Variants in ASIC2 observed in about 807,000 individuals in gnomAD.
ASIC2 encodes the protein acid-sensing ion channel 2.
A neutral mutation model predicts 57.3 loss-of-function variants in ASIC2; 25 were observed. The ratio of observed to expected loss-of-function variants is 0.44; its 90% CI spans 0.32 to 0.61. The LOEUF (loss-of-function observed/expected upper bound fraction) is 0.61. Ranked by LOEUF, ASIC2 falls within the 20% of genes least tolerant of loss-of-function variation. ASIC2 has a pLI of 0.06. For synonymous variants in ASIC2, 319 were observed against 307.5 expected (o/e 1.04, Z -0.39); for missense variants, 641 against 738.1 (o/e 0.87, Z 1.52).
Position 33,313,553 on chromosome 17 carries a change from T to G in ASIC2, c.556-201486A>C, listed in dbSNP as rs947275486. On this transcript the variant is annotated intron_variant, in intron 1 of 9. Coordinates refer to the ASIC2 transcript ENST00000359872. Reference sequence around the variant, plus strand: ...ATGTTTGTCTTTTTCATCACAGGAATGTGGACTTTATCATTCTCTACAAAT... The same window carrying G: ...ATGTTTGTCTTTTTCATCACAGGAAGGTGGACTTTATCATTCTCTACAAAT... 2.0e-5 allele frequency among the ~76,000 whole-genome samples: 3 copies of G among 150,518 alleles called. No homozygotes were observed. The East Asian group carries it at 5.8e-4, about 29-fold the overall frequency.
chr17:34,078,896 T>C (rs1179849198), intron 1 of ASIC2: 2 of 152,162 alleles, frequency 1.3e-5, no homozygotes, highest in Admixed American at 6.5e-5. Context: ...TCTCCTACCT[T>C]GGACTCCTGG....
intron 1 of ASIC2, among the ~76,000 whole-genome samples, chr17:33,888,226 T>C (rs948303524): frequency 6.6e-6 from 1 of 152,090 alleles, no homozygotes; most frequent in African/African-American, 2.4e-5. Flanking sequence ...CCCAGCTTAT[T>C]GGGGAGGTCA....
intron 1 of ASIC2, among the ~76,000 whole-genome samples, chr17:33,958,634 G>T (rs1297097496): frequency 6.6e-6 from 1 of 152,056 alleles, no homozygotes; most frequent in Non-Finnish European, 1.5e-5. Context: ...GCACACTGAA[G>T]GGGGGGTCTT....
chr17:33,036,912 A>G (rs2091910623), intron 3 of ASIC2, among the ~76,000 whole-genome samples: 1 of 152,128 alleles, frequency 6.6e-6, no homozygotes, highest in African/African-American at 2.4e-5. Context: ...AGACACCACC[A>G]AGTCCCATTC....
chr17:33,657,675 C>G (rs952348762), intron 1 of ASIC2, among the ~76,000 whole-genome samples: 1 of 151,186 alleles, frequency 6.6e-6, no homozygotes, highest in African/African-American at 2.4e-5. Flanking sequence ...TCTGGGCCAG[C>G]TCCCCCGAAA....
At chr17:33,816,504 G>A (rs140499997) in intron 1 of ASIC2, among the ~76,000 whole-genome samples, 1 of 152,310 alleles carries the variant, frequency 6.6e-6, no homozygotes, top group East Asian at 1.9e-4. Context: ...TAACTCTCAG[G>A]TCATGCAGAT....
chr17:33,112,280 C>T, intron 1 of ASIC2: 1 of 587,550 alleles, frequency 1.7e-6, no homozygotes, highest in African/African-American at 1.9e-5. Flanking sequence ...TCTGGATGCC[C>T]TTTGGGGTTT....
At chr17:33,083,401 C>T (rs1327088180) in intron 3 of ASIC2, among the ~76,000 whole-genome samples, 1 of 152,220 alleles carries the variant, frequency 6.6e-6, no homozygotes, top group East Asian at 1.9e-4. Context: ...TCCCCCACTT[C>T]ATTCTGTGAG....
intron 1 of ASIC2, among the ~76,000 whole-genome samples, chr17:33,489,528 C>T (rs373880148): frequency 1.7e-4 from 26 of 152,316 alleles, no homozygotes; most frequent in African/African-American, 6.0e-4. Flanking sequence ...TTGCCAGCCC[C>T]CACCCAAGTC....
At chr17:34,030,594 T>C (rs1264378276) in intron 1 of ASIC2, among the ~76,000 whole-genome samples, 5 of 152,162 alleles carry the variant, frequency 3.3e-5, no homozygotes, top group African/African-American at 1.2e-4. Flanking sequence ...GTCAGGGAAT[T>C]TCCTTTCCTA....
intron 1 of ASIC2, among the ~76,000 whole-genome samples, chr17:33,162,587 T>TG (rs1373944122): frequency 6.6e-6 from 1 of 152,172 alleles, no homozygotes; most frequent in Non-Finnish European, 1.5e-5. Context: ...ATCCCCACTC[T>TG]GGAATGTGTC....
At chr17:33,329,286 A>G (rs1391317149) in intron 1 of ASIC2, among the ~76,000 whole-genome samples, 2 of 152,216 alleles carry the variant, frequency 1.3e-5, no homozygotes, top group Non-Finnish European at 2.9e-5. Flanking sequence ...GACCAGGGAT[A>G]CATATATGCC....
chr17:33,474,590 G>T (rs532364903), intron 1 of ASIC2, among the ~76,000 whole-genome samples: 25 of 152,168 alleles, frequency 1.6e-4, no homozygotes, highest in Non-Finnish European at 3.4e-4. Context: ...CCTTGAGAGG[G>T]GCAGGCGCAC....
chr17:34,099,386 AAG>A (rs1331418914), intron 1 of ASIC2, among the ~76,000 whole-genome samples: 9 of 146,628 alleles, frequency 6.1e-5, no homozygotes, highest in South Asian at 2.2e-4. Flanking sequence ...AAAAAAGAGA[AAG>A]AGGAAAAAAG....
chr17:33,310,585 G>A (rs1642459685), intron 1 of ASIC2, among the ~76,000 whole-genome samples: 1 of 152,184 alleles, frequency 6.6e-6, no homozygotes, highest in Non-Finnish European at 1.5e-5. Flanking sequence ...TCAGAACCAA[G>A]TAAAAAATGC....
intron 1 of ASIC2, among the ~76,000 whole-genome samples, chr17:34,074,661 C>T (rs919326438): frequency 3.3e-5 from 5 of 152,148 alleles, no homozygotes; most frequent in South Asian, 2.1e-4. Context: ...GCAGAAAACA[C>T]GCTTAGGAAG....
At chr17:33,503,229 T>G (rs1450139534) in intron 1 of ASIC2, among the ~76,000 whole-genome samples, 1 of 152,218 alleles carries the variant, frequency 6.6e-6, no homozygotes, top group Non-Finnish European at 1.5e-5. Context: ...AATTGCTGGA[T>G]TTTTAGGTTA....
intron 1 of ASIC2, among the ~76,000 whole-genome samples, chr17:33,986,199 G>A (rs1287848000): frequency 1.3e-5 from 2 of 151,694 alleles, no homozygotes; most frequent in Non-Finnish European, 2.9e-5. Flanking sequence ...CATGAGAACA[G>A]GAATCTGGTT....
chr17:33,808,515 T>A (rs899919904), intron 1 of ASIC2, among the ~76,000 whole-genome samples: 1 of 152,222 alleles, frequency 6.6e-6, no homozygotes, highest in Non-Finnish European at 1.5e-5. Flanking sequence ...TCTGGGTCTG[T>A]TGCATCTCCA....
Sources: allele counts gnomAD v4.1 joint callset (sites outside exome capture counted in the v4.1 genomes callset), GRCh38; gene constraint gnomAD v4.1.1; transcripts MANE v1.5; gene names NCBI Gene and HGNC (gene_info 2026-07-23, HGNC 2026-07-21).